Variants in CCDC85C observed in about 807,000 individuals in gnomAD.
The protein encoded by CCDC85C is coiled-coil domain containing 85C.
CCDC85C carries 18 observed loss-of-function variants against 38.3 expected under a neutral mutation model. That is an observed-to-expected ratio of 0.47 (90% CI 0.33 to 0.70). The LOEUF is 0.70. CCDC85C is among the 30% of genes least tolerant of loss of function. CCDC85C has a pLI of 0.03. For synonymous variants in CCDC85C, 264 were observed against 293.8 expected (o/e 0.90, Z 1.04); for missense variants, 566 against 621.2 (o/e 0.91, Z 0.94).
chr14:99,509,131 G>A lies in CCDC85C; in HGVS notation c.*6115C>T, dbSNP rs1897048935. ...GCCAATGGCCACGTCTACCCAACCA[G>A]GATGTCGTGCTGTGCCTTGCCTAAC... On this transcript the variant is annotated 3_prime_UTR_variant, in exon 6 of 6. Coordinates refer to ENST00000380243, the MANE Select transcript of CCDC85C (RefSeq NM_001144995.2). 1 of 152,244 alleles carries A rather than the reference G, an allele frequency of 6.6e-6. No homozygotes were observed. The highest frequency in any genetic ancestry group is 2.4e-5 in the African/African-American group (1 of 41,454). 9.4% of individuals were successfully genotyped at this position (152,244 alleles called of 1,614,324 possible).
chr14:99,564,185 G>A (rs1595088475), intron 1 of CCDC85C, among the ~76,000 whole-genome samples: 1 of 152,228 alleles, frequency 6.6e-6, no homozygotes, highest in Non-Finnish European at 1.5e-5. Flanking sequence ...TTCTTGTTTT[G>A]TTGTTTGTTC....
At chr14:99,575,002 G>A (rs1898441958) in intron 1 of CCDC85C, among the ~76,000 whole-genome samples, 1 of 152,222 alleles carries the variant, frequency 6.6e-6, no homozygotes, top group Non-Finnish European at 1.5e-5. Context: ...ATGCCTTCAA[G>A]GAGGGGCAGA....
chr14:99,500,754 A>G lies in CCDC85C; in HGVS notation c.*14492T>C. 2 of 1,507,388 alleles carry G rather than the reference A, an allele frequency of 1.3e-6. No individual in the cohort carries two copies. Among genetic ancestry groups the G allele is most frequent in the Non-Finnish European group, 1.8e-6 (2 of 1,104,394 alleles). 93.4% of individuals were successfully genotyped at this position (1,507,388 alleles called of 1,614,324 possible). A position where few individuals can be genotyped will look rare whatever the true frequency, so the allele number is the denominator to read the frequency against. The stretch of plus-strand genomic sequence containing the variant: ...TGTAATTACTGTCCTAACATTTGTG[A>G]TTGATTTTTAGGAGGAAGTAATGGT... On this transcript the variant is annotated 3_prime_UTR_variant, in exon 6 of 6. Coordinates refer to ENST00000380243, the MANE Select transcript of CCDC85C (RefSeq NM_001144995.2).
At chr14:99,552,628 T>TG (rs1389150498) in intron 1 of CCDC85C, among the ~76,000 whole-genome samples, 2 of 152,174 alleles carry the variant, frequency 1.3e-5, no homozygotes, top group Non-Finnish European at 2.9e-5. Flanking sequence ...GAGCTGTTGC[T>TG]GTCTGAGGTG....
chr14:99,523,614 G>C (rs187222862), intron 2 of CCDC85C, among the ~76,000 whole-genome samples: 1 of 152,180 alleles, frequency 6.6e-6, no homozygotes, highest in Admixed American at 6.5e-5. Flanking sequence ...CAGGGCAGCC[G>C]GGCACTGGAG....
At chr14:99,526,667 A>G (rs1255134084) in intron 2 of CCDC85C, among the ~76,000 whole-genome samples, 1 of 152,176 alleles carries the variant, frequency 6.6e-6, no homozygotes, top group Non-Finnish European at 1.5e-5. Context: ...CCCTCCAGGA[A>G]GACGAAGCAC....
chr14:99,569,009 T>C lies in CCDC85C; in HGVS notation c.794-32921A>G, dbSNP rs1055895102. ...GGCGCCTGGCACAGCCCCAGGTCCATGGGCTAGCTGAGGGTTCCTGGGGAC... is the reference window on the plus strand; with the variant it reads ...GGCGCCTGGCACAGCCCCAGGTCCACGGGCTAGCTGAGGGTTCCTGGGGAC... On this transcript the variant is annotated intron_variant, in intron 1 of 5. Transcript: ENST00000380243. The surrounding 1 kb of genome is among the most constrained non-coding windows in gnomAD (Gnocchi z 4.3). Among the ~76,000 whole-genome samples, 3 of 152,082 alleles carry C rather than the reference T, an allele frequency of 2.0e-5. No homozygotes were observed. The highest frequency in any genetic ancestry group is 1.9e-4 in the East Asian group (1 of 5,142).
chr14:99,583,291 G>A (rs2139978249), intron 1 of CCDC85C, among the ~76,000 whole-genome samples: 1 of 150,446 alleles, frequency 6.6e-6, no homozygotes, highest in South Asian at 2.1e-4. Context: ...GATTGCCTAA[G>A]GTCAGGAGTT....
At position 99,503,370 on chromosome 14, in the gene CCDC85C, A is replaced by T; in HGVS notation, c.*11876T>A. The T allele has an allele frequency of 1.7e-6, 1 of 602,094 alleles. No individual in the cohort carries two copies. The allele number at this position is 602,094 out of a possible 1,614,324, so 37.3% of individuals were successfully genotyped here. On this transcript the variant is annotated 3_prime_UTR_variant, in exon 6 of 6. Transcript: ENST00000380243. Reference sequence around the variant, plus strand: ...TCCTGAAACTTAGTGTTTACTCAGAACTCACCATTCAGGAAAGCTAGTCAT... The same window carrying T: ...TCCTGAAACTTAGTGTTTACTCAGATCTCACCATTCAGGAAAGCTAGTCAT...
At position 99,503,753 on chromosome 14, in the gene CCDC85C, CT is replaced by C; in HGVS notation, c.*11492del. ...GATCTAAATTGGCCTTAAATCTTAA[CT>C]TTAGAGCTCATACAAAACTTTTCCA... On this transcript the variant is annotated 3_prime_UTR_variant, in exon 6 of 6. Transcript: ENST00000380243. The C allele has an allele frequency of 1.1e-6, 1 of 917,218 alleles. No homozygotes were observed. The highest frequency in any genetic ancestry group is 1.7e-6 in the Non-Finnish European group (1 of 601,030). The allele number at this position is 917,218 out of a possible 1,614,324, so 56.8% of individuals were successfully genotyped here.
rs746411687 is a variant in CCDC85C at position 99,502,184 on chromosome 14, CT to C, written c.*13061del. ...TAAATATTAGATCATATTATCTAAC[CT>C]TTTTTTTTCTTGTTGAACTAGTCTC... On this transcript the variant is annotated 3_prime_UTR_variant, in exon 6 of 6. Transcript: ENST00000380243. The C allele has an allele frequency of 8.2e-5, 126 of 1,531,746 alleles. 1 individual carries two copies. The highest frequency in any genetic ancestry group is 3.6e-4 in the South Asian group (29 of 81,652). The allele number at this position is 1,531,746 out of a possible 1,614,324, so 94.9% of individuals were successfully genotyped here.
chr14:99,540,023 C>T (rs1897679988), intron 1 of CCDC85C, among the ~76,000 whole-genome samples: 1 of 152,072 alleles, frequency 6.6e-6, no homozygotes, highest in Non-Finnish European at 1.5e-5. Context: ...TGGTGGGCAC[C>T]TGTAATCTCA....
rs2055151331 is a variant in CCDC85C at position 99,597,128 on chromosome 14, C to T, written c.793+6039G>A. ...GGAAGCCCTCAGCTTCCACCCACTG[C>T]TCCCCCAGCCCAGCCCACACCACAG... On this transcript the variant is annotated intron_variant, in intron 1 of 5. Coordinates refer to ENST00000380243, the MANE Select transcript of CCDC85C (RefSeq NM_001144995.2). Among the ~76,000 whole-genome samples the T allele has an allele frequency of 7.2e-5, 11 of 152,258 alleles. No homozygotes were observed. In the South Asian group the frequency reaches 2.1e-3, roughly 29 times the overall value.
chr14:99,532,591 G>A (rs75804610), intron 2 of CCDC85C, among the ~76,000 whole-genome samples: 2,457 of 152,150 alleles, frequency 0.016, 63 homozygotes, highest in African/African-American at 0.056. Flanking sequence ...AAAAGCTGGC[G>A]CCACTGAAGC....
chr14:99,592,397 C>T (rs980188229), intron 1 of CCDC85C, among the ~76,000 whole-genome samples: 5 of 152,198 alleles, frequency 3.3e-5, no homozygotes, highest in Non-Finnish European at 7.3e-5. Context: ...ATCTGGACAC[C>T]TGAGCCTCAA....
intron 1 of CCDC85C, among the ~76,000 whole-genome samples, chr14:99,556,785 C>T (rs1353680007): frequency 1.3e-5 from 2 of 152,146 alleles, no homozygotes; most frequent in Non-Finnish European, 2.9e-5. Context: ...CCTCAGCCTC[C>T]CAAAGTTCTC....
Position 99,577,678 on chromosome 14 carries a change from AGTGT to A in CCDC85C, c.793+25485_793+25488del, listed in dbSNP as rs56254947. Among the ~76,000 whole-genome samples, 70 of 141,880 alleles carry A rather than the reference AGTGT, an allele frequency of 4.9e-4. No homozygotes were observed. In the East Asian group the frequency reaches 7.5e-3, roughly 15 times the overall value. 93.1% of individuals were successfully genotyped at this position (141,880 alleles called of 152,430 possible). On this transcript the variant is annotated intron_variant, in intron 1 of 5. Coordinates refer to ENST00000380243, the MANE Select transcript of CCDC85C (RefSeq NM_001144995.2). ...TACAGCCCGTCCTGCATCCCCCATC[AGTGT>A]GTGTGTGTGTGTGTGTACACATCTC...
intron 1 of CCDC85C, among the ~76,000 whole-genome samples, chr14:99,600,665 C>G (rs1190816583): frequency 6.6e-6 from 1 of 152,080 alleles, no homozygotes; most frequent in East Asian, 1.9e-4. Context: ...AGGAACCCCT[C>G]TAAGCCTCCA....
chr14:99,515,729 G>A (rs2139895115), intron 5 of CCDC85C, among the ~76,000 whole-genome samples: 1 of 152,254 alleles, frequency 6.6e-6, no homozygotes, highest in Non-Finnish European at 1.5e-5. Flanking sequence ...GCTCAGCTGG[G>A]TCGAGCACGG....
Sources: allele counts gnomAD v4.1 joint callset (sites outside exome capture counted in the v4.1 genomes callset), GRCh38; gene constraint gnomAD v4.1.1; non-coding constraint Gnocchi (gnomAD v3.1); transcripts MANE v1.5; gene names NCBI Gene and HGNC (gene_info 2026-07-23, HGNC 2026-07-21).